Variants in ABCC4 observed in about 807,000 individuals in gnomAD.
ABCC4 encodes the protein ATP binding cassette subfamily C member 4 (PEL blood group).
In ABCC4, 102 loss-of-function variants were observed where a neutral mutation model predicts 168.5. The observed-to-expected ratio is 0.61, with a 90% CI of 0.52 to 0.71. The LOEUF is 0.71. Ranked by LOEUF, ABCC4 falls within the 30% of genes least tolerant of loss-of-function variation. The probability of loss-of-function intolerance (pLI) is 0.00; values close to 1 mark genes in which losing one functional copy is unlikely to be tolerated. For missense variants in ABCC4, 1,402 were observed against 1,605.8 expected, an observed-to-expected ratio of 0.87 and a Z score of 2.17; for synonymous variants, 617 against 590.7, an observed-to-expected ratio of 1.04 and a Z score of -0.65.
chr13:95,061,743 G>A (rs1342022723), intron 26 of ABCC4, among the ~76,000 whole-genome samples: 10 of 151,892 alleles, frequency 6.6e-5, no homozygotes, highest in Non-Finnish European at 1.3e-4. Flanking sequence ...ATATGTGGAG[G>A]TGTTAAAGTG....
intron 27 of ABCC4, among the ~76,000 whole-genome samples, chr13:95,048,748 C>G (rs886988766): frequency 6.6e-6 from 1 of 152,198 alleles, no homozygotes; most frequent in Admixed American, 6.5e-5. Flanking sequence ...GATAATTTCT[C>G]CACTATTCCA....
intron 17 of ABCC4, 57 bp from the exon 18 acceptor site, chr13:95,163,273 A>G (rs2037158302): frequency 1.6e-6 from 2 of 1,226,062 alleles, no homozygotes; most frequent in South Asian, 2.7e-5. Context: ...AGATAAATAC[A>G]TTTTTTTAAA....
At chr13:95,227,061 CAG>C (rs1429059321) in intron 4 of ABCC4, among the ~76,000 whole-genome samples, 1 of 152,176 alleles carries the variant, frequency 6.6e-6, no homozygotes, top group Non-Finnish European at 1.5e-5. Context: ...ATGAATACAA[CAG>C]AGAGCAGTTT....
intron 22 of ABCC4, 118 bp downstream of exon 22, chr13:95,075,314 A>G (rs1201805209): frequency 1.5e-6 from 2 of 1,375,238 alleles, no homozygotes; most frequent in Non-Finnish European, 2.0e-6. Flanking sequence ...GCGCAAAAAA[A>G]GCAGGATGTG....
chr13:95,170,259 T>A, intron 14 of ABCC4: 1 of 317,296 alleles, frequency 3.2e-6, no homozygotes. Flanking sequence ...TAATACAATT[T>A]GAATTAAGTC....
At chr13:95,130,944 T>TC (rs2035938539) in intron 19 of ABCC4, among the ~76,000 whole-genome samples, 1 of 152,166 alleles carries the variant, frequency 6.6e-6, no homozygotes, top group Non-Finnish European at 1.5e-5. Flanking sequence ...TGCTTTTTTT[T>TC]CTCCTTCTTC....
intron 26 of ABCC4, among the ~76,000 whole-genome samples, chr13:95,058,602 A>AAGAAAC (rs2033165808): frequency 6.6e-6 from 1 of 150,418 alleles, no homozygotes; most frequent in African/African-American, 2.4e-5. Context: ...AGAAAAGAAA[A>AAGAAAC]AGAAAAAGAA....
intron 29 of ABCC4, among the ~76,000 whole-genome samples, chr13:95,040,204 G>A (rs2139234550): frequency 6.6e-6 from 1 of 152,252 alleles, no homozygotes; most frequent in East Asian, 1.9e-4. Context: ...CCAAAGCTCT[G>A]CAATTGTGTG....
At chr13:95,273,089 A>G (rs1281078314) in intron 1 of ABCC4, among the ~76,000 whole-genome samples, 2 of 152,214 alleles carry the variant, frequency 1.3e-5, no homozygotes, top group Non-Finnish European at 2.9e-5. Flanking sequence ...CAGAAATTTT[A>G]TCTATGGCAA....
intron 20 of ABCC4, among the ~76,000 whole-genome samples, chr13:95,108,913 T>C (rs769784803): frequency 2.6e-5 from 4 of 152,104 alleles, no homozygotes; most frequent in Non-Finnish European, 4.4e-5. Context: ...CACGGCTGTT[T>C]CCTTATTTTT....
At chr13:95,152,870 A>G in intron 19 of ABCC4, among the ~76,000 whole-genome samples, 1 of 152,216 alleles carries the variant, frequency 6.6e-6, no homozygotes, top group South Asian at 2.1e-4. Flanking sequence ...TGAAAACCAG[A>G]GTTCTCATAT....
intron 3 of ABCC4, among the ~76,000 whole-genome samples, chr13:95,239,519 G>A (rs990053449): frequency 6.6e-6 from 1 of 152,174 alleles, no homozygotes; most frequent in South Asian, 2.1e-4. Context: ...AAATGAGGAA[G>A]TTGCAAAGAC....
At chr13:95,287,952 G>A (rs185560635) in intron 1 of ABCC4, among the ~76,000 whole-genome samples, 1 of 152,036 alleles carries the variant, frequency 6.6e-6, no homozygotes, top group African/African-American at 2.4e-5. Flanking sequence ...TGAGGCACGA[G>A]AATCACTTGA....
chr13:95,141,739 CTG>C (rs1218216195), intron 19 of ABCC4, among the ~76,000 whole-genome samples: 1 of 152,204 alleles, frequency 6.6e-6, no homozygotes, highest in Non-Finnish European at 1.5e-5. Context: ...CAGAAAATGG[CTG>C]TGTTATTCAG....
At chr13:95,254,797 T>C (rs1289617162) in intron 1 of ABCC4, among the ~76,000 whole-genome samples, 1 of 55,460 alleles carries the variant, frequency 1.8e-5, no homozygotes, top group Non-Finnish European at 3.8e-5. Flanking sequence ...AGAAGGGCTA[T>C]TATATTTCAC....
intron 1 of ABCC4, among the ~76,000 whole-genome samples, chr13:95,270,665 G>A (rs1215864365): frequency 6.6e-6 from 1 of 152,142 alleles, no homozygotes; most frequent in Non-Finnish European, 1.5e-5. Flanking sequence ...ACTAAGTCTG[G>A]GACAGAGCAT....
At chr13:95,271,413 C>G (rs2040843495) in intron 1 of ABCC4, among the ~76,000 whole-genome samples, 1 of 152,190 alleles carries the variant, frequency 6.6e-6, no homozygotes, top group Non-Finnish European at 1.5e-5. Flanking sequence ...AGGTCACACG[C>G]TGGCCTTTGG....
chr13:95,041,511 G>A (rs1381845808), intron 29 of ABCC4, among the ~76,000 whole-genome samples: 1 of 152,154 alleles, frequency 6.6e-6, no homozygotes, highest in African/African-American at 2.4e-5. Flanking sequence ...AATAGTGTTG[G>A]TTATGTCCTT....
chr13:95,289,497 A>G (rs2041339003), intron 1 of ABCC4, among the ~76,000 whole-genome samples: 1 of 152,114 alleles, frequency 6.6e-6, no homozygotes, highest in African/African-American at 2.4e-5. Flanking sequence ...GAGCAGAGCC[A>G]CCCTCAACAA....
Sources: allele counts gnomAD v4.1 joint callset (sites outside exome capture counted in the v4.1 genomes callset), GRCh38; gene constraint gnomAD v4.1.1; transcripts MANE v1.5; gene names NCBI Gene and HGNC (gene_info 2026-07-23, HGNC 2026-07-21).